Variants in CCDC175 observed in about 807,000 individuals in gnomAD.
CCDC175 encodes the protein coiled-coil domain-containing protein 175.
A neutral mutation model predicts 114.6 loss-of-function variants in CCDC175; 100 were observed. The ratio of observed to expected loss-of-function variants is 0.87; its 90% CI spans 0.74 to 1.03. The LOEUF (loss-of-function observed/expected upper bound fraction) is 1.03. Ranked by LOEUF, CCDC175 falls within the 50% of genes least tolerant of loss-of-function variation. CCDC175 has a pLI of 0.00. For synonymous variants in CCDC175, 306 were observed against 308.7 expected, an observed-to-expected ratio of 0.99 and a Z score of 0.09; for missense variants, 880 against 917.8, an observed-to-expected ratio of 0.96 and a Z score of 0.53.
At chr14:59,527,981 C>T (rs1042840578) in intron 14 of CCDC175, among the ~76,000 whole-genome samples, 1 of 151,982 alleles carries the variant, frequency 6.6e-6, no homozygotes, top group African/African-American at 2.4e-5. Context: ...TCCTAAATTT[C>T]TTATACTCTT....
At chr14:59,555,456 G>T (rs1895828469) in intron 7 of CCDC175, among the ~76,000 whole-genome samples, 1 of 152,112 alleles carries the variant, frequency 6.6e-6, no homozygotes, top group African/African-American at 2.4e-5. Flanking sequence ...GTATTGATGG[G>T]ACGTATCTCA....
intron 7 of CCDC175, among the ~76,000 whole-genome samples, chr14:59,552,053 C>A (rs1164543140): frequency 3.3e-5 from 5 of 151,764 alleles, no homozygotes; most frequent in African/African-American, 1.2e-4. Flanking sequence ...CAGGACATAG[C>A]CGAACAAAAG....
chr14:59,514,776 G>A (rs892138234), intron 17 of CCDC175, among the ~76,000 whole-genome samples: 4 of 152,170 alleles, frequency 2.6e-5, no homozygotes, highest in African/African-American at 7.2e-5. Flanking sequence ...CCCCAATCTA[G>A]CAAGGCAGGC....
chr14:59,568,511 C>G, intron 3 of CCDC175, 131 bp from the exon 4 acceptor site: 1 of 691,124 alleles, frequency 1.4e-6, no homozygotes, highest in Non-Finnish European at 2.2e-6. Flanking sequence ...TTCTTACTCC[C>G]TTGGTCCCTC....
intron 7 of CCDC175, among the ~76,000 whole-genome samples, chr14:59,551,880 C>A (rs1895521057): frequency 6.6e-6 from 1 of 152,222 alleles, no homozygotes; most frequent in South Asian, 2.1e-4. Context: ...GCTAGCACAG[C>A]AGGCTGAGAT....
intron 18 of CCDC175, 88 bp from the exon 19 acceptor site, chr14:59,510,896 AAT>A (rs917070860): frequency 4.1e-5 from 46 of 1,130,040 alleles, no homozygotes; most frequent in South Asian, 3.7e-4. Flanking sequence ...TCCAAAAAAA[AAT>A]ATTATATATG....
intron 14 of CCDC175, among the ~76,000 whole-genome samples, chr14:59,528,094 TTTCTA>T (rs1474532302): frequency 1.3e-5 from 2 of 152,164 alleles, no homozygotes. Flanking sequence ...TCTCAATATG[TTTCTA>T]TTCTATATTC....
chr14:59,521,537 G>T (rs1194461918), intron 17 of CCDC175, 37 bp downstream of exon 17: 1 of 1,170,994 alleles, frequency 8.5e-7, no homozygotes, highest in South Asian at 1.3e-5. Flanking sequence ...TCCCGCTAAA[G>T]AACCCTGACT....
rs1000659411 is a variant in CCDC175 at position 59,511,812 on chromosome 14, A to C, written c.2099-9T>G. The C allele has an allele frequency of 6.6e-7, 1 of 1,519,956 alleles. No individual in the cohort carries two copies. The highest frequency in any genetic ancestry group is 2.0e-5 in the Admixed American group (1 of 50,846). 94.2% of individuals were successfully genotyped at this position (1,519,956 alleles called of 1,614,324 possible). On this transcript the variant is annotated splice_polypyrimidine_tract_variant and intron_variant, in intron 17 of 19. Coordinates refer to ENST00000537690, the MANE Select transcript of CCDC175 (RefSeq NM_001164399.2). ...CAAATCCTTATATTGTGCTAAAATAAAGATTTAAAAAATACAATGGTTACT... is the reference window on the plus strand; with the variant it reads ...CAAATCCTTATATTGTGCTAAAATACAGATTTAAAAAATACAATGGTTACT...
At chr14:59,558,141 G>A (rs943369206) in intron 7 of CCDC175, among the ~76,000 whole-genome samples, 13 of 152,160 alleles carry the variant, frequency 8.5e-5, no homozygotes, top group Admixed American at 4.6e-4. Context: ...AACGTCAGGC[G>A]TCAAGACAGA....
intron 19 of CCDC175, among the ~76,000 whole-genome samples, chr14:59,506,611 T>A (rs4898990): frequency 0.04 from 6,062 of 152,078 alleles, 158 homozygotes; most frequent in Non-Finnish European, 0.058. Context: ...TTTTAAAATC[T>A]CCAGGTGATT....
intron 8 of CCDC175, among the ~76,000 whole-genome samples, chr14:59,546,793 T>C (rs1895137387): frequency 6.6e-6 from 1 of 152,064 alleles, no homozygotes; most frequent in African/African-American, 2.4e-5. Context: ...GCCATGATCA[T>C]ACCACTGCAC....
rs1432109057 is a variant in CCDC175, at chr14:59,565,194, G to A, written c.573C>T (p.Thr191=). The change falls in exon 5 of 20, where the codon ACC becomes ACT. Residue 191 remains threonine (T), a synonymous_variant. Transcript: ENST00000537690. ...LNQTMEKKAT[T]TVYINETYTK... ...TATAAGTCTCATTTATGTAAACAGT[G>A]GTGGTGGCTTTTTTCTCCATAGTTT... 13 of 1,537,794 alleles carry A rather than the reference G, an allele frequency of 8.5e-6. No homozygotes were observed. Among genetic ancestry groups the A allele is most frequent in the African/African-American group, 1.4e-5 (1 of 73,134 alleles).
intron 10 of CCDC175, among the ~76,000 whole-genome samples, chr14:59,541,110 A>C (rs1022106115): frequency 6.6e-6 from 1 of 152,162 alleles, no homozygotes; most frequent in Non-Finnish European, 1.5e-5. Context: ...AGAGGGAAGG[A>C]ACAGCAAGTC....
chr14:59,550,689 G>C (rs1895412986), intron 8 of CCDC175, among the ~76,000 whole-genome samples: 1 of 152,144 alleles, frequency 6.6e-6, no homozygotes, highest in African/African-American at 2.4e-5. Context: ...CTGGAATCTG[G>C]TGTTCGAGAG....
At chr14:59,508,163 T>C (rs1269656379) in intron 19 of CCDC175, among the ~76,000 whole-genome samples, 1 of 152,086 alleles carries the variant, frequency 6.6e-6, no homozygotes, top group Non-Finnish European at 1.5e-5. Context: ...TACAGAGGGC[T>C]GTGTAAAGTT....
intron 1 of CCDC175, among the ~76,000 whole-genome samples, chr14:59,576,328 T>A (rs1424218995): frequency 1.3e-5 from 2 of 152,140 alleles, no homozygotes; most frequent in African/African-American, 2.4e-5. Context: ...TGTAATCAGG[T>A]CGCAGGCATA....
At chr14:59,514,758 G>T (rs1892969151) in intron 17 of CCDC175, among the ~76,000 whole-genome samples, 1 of 152,178 alleles carries the variant, frequency 6.6e-6, no homozygotes, top group South Asian at 2.1e-4. Context: ...TATCATACAG[G>T]AGAACTTCCC....
intron 7 of CCDC175, among the ~76,000 whole-genome samples, chr14:59,560,427 C>G (rs1896163657): frequency 6.6e-6 from 1 of 152,146 alleles, no homozygotes; most frequent in African/African-American, 2.4e-5. Flanking sequence ...GGAACCAAAG[C>G]TGAGCCAAAC....
Sources: gnomAD v4.1 joint callset for allele counts (sites outside exome capture counted in the v4.1 genomes callset) on GRCh38, gnomAD v4.1.1 for gene constraint, MANE v1.5 for transcripts, NCBI Gene and HGNC (gene_info 2026-07-23, HGNC 2026-07-21) for gene names.